The following ARHGEF11 variants were observed in gnomAD, a reference collection of about 807,000 sequenced individuals.
The protein encoded by ARHGEF11 is Rho guanine exchange factor (GEF) 11.
Under a neutral mutation model 193.7 loss-of-function variants are expected in ARHGEF11, and 55 were observed. The ratio of observed to expected loss-of-function variants is 0.28; its 90% confidence interval spans 0.23 to 0.36. ARHGEF11 has a LOEUF of 0.36. Among genes scored for constraint, ARHGEF11 ranks in the 10% least tolerant of loss-of-function variants. The probability of loss-of-function intolerance (pLI) is 1.00; values close to 1 mark genes in which losing one functional copy is unlikely to be tolerated. For missense variants in ARHGEF11, 1,723 were observed against 2,005.6 expected (o/e 0.86, Z 2.69); for synonymous variants, 693 against 768.0 (o/e 0.90, Z 1.62).
chr1:156,939,136 G>C (rs1656203408), intron 37 of ARHGEF11: 1 of 254,176 alleles, frequency 3.9e-6, no homozygotes, highest in African/African-American at 2.3e-5. Flanking sequence ...CTGGCGTGAG[G>C]GGCTGCATGC....
rs758071960 is a variant in ARHGEF11, at chr1:156,971,765, T to G, written c.634A>C (p.Ile212Leu). Residue 212 changes from isoleucine (I) to leucine (L), a missense_variant, in exon 8 of 41, where the codon ATC (isoleucine) becomes CTC (leucine). Ile to Leu is a conservative substitution (Grantham distance 5). Coordinates refer to ENST00000368194, the MANE Select transcript of ARHGEF11 (RefSeq NM_198236.3). ...GTGACTCGCCGCCGGGCACCTTCGA[T>G]CTGCTCTTCCAGTAGGCTGGCGGGG... ...RNPASLLEEQ[I>L]EGARRRVTQL... 1 of 1,613,952 alleles carries G rather than the reference T, an allele frequency of 6.2e-7. No homozygotes were observed. Among genetic ancestry groups the G allele is most frequent in the Admixed American group, 1.7e-5 (1 of 60,008 alleles).
At chr1:157,033,335 C>T (rs1431914327) in intron 1 of ARHGEF11, among the ~76,000 whole-genome samples, 1 of 152,116 alleles carries the variant, frequency 6.6e-6, no homozygotes, top group African/African-American at 2.4e-5. Flanking sequence ...TCCTTCATGC[C>T]TCCGCATACC....
At chr1:156,968,742 C>T (rs1361720906) in intron 10 of ARHGEF11, among the ~76,000 whole-genome samples, 2 of 152,194 alleles carry the variant, frequency 1.3e-5, no homozygotes, top group South Asian at 2.1e-4. Context: ...TTTTGTATTG[C>T]CGTTCATAGT....
chr1:156,993,377 A>G (rs1333640962), intron 1 of ARHGEF11, among the ~76,000 whole-genome samples: 1 of 152,230 alleles, frequency 6.6e-6, no homozygotes, highest in African/African-American at 2.4e-5. Flanking sequence ...ATATGACATG[A>G]TTAAAGATAT....
intron 6 of ARHGEF11, among the ~76,000 whole-genome samples, chr1:156,977,538 G>A (rs761606058): frequency 6.6e-6 from 1 of 152,058 alleles, no homozygotes; most frequent in Non-Finnish European, 1.5e-5. Flanking sequence ...TCAGCCTCCT[G>A]AGTACCTGGG....
intron 15 of ARHGEF11, 29 bp from the exon 16 acceptor site, chr1:156,959,171 T>G: frequency 1.2e-6 from 2 of 1,600,560 alleles, no homozygotes; most frequent in Non-Finnish European, 1.7e-6. Context: ...GAAAGCAGAG[T>G]GGATGGGGTA....
chr1:156,994,298 T>G (rs1271777233), intron 1 of ARHGEF11, among the ~76,000 whole-genome samples: 1 of 152,182 alleles, frequency 6.6e-6, no homozygotes, highest in Non-Finnish European at 1.5e-5. Context: ...ATATACGTCC[T>G]TTCTTTCTTC....
chr1:156,954,380 CAAAAAAAAAAAAAAAAAAA>C (rs559848711), intron 21 of ARHGEF11, among the ~76,000 whole-genome samples: 22 of 75,158 alleles, frequency 2.9e-4, no homozygotes, highest in South Asian at 2.0e-3. Context: ...ACTGTGTCTC[CAAAAAAAAAAAAAAAAAAA>C]AAAAAAAAAA....
At chr1:156,937,651 A>G (rs1655769795) in intron 38 of ARHGEF11, among the ~76,000 whole-genome samples, 155 bp from the exon 39 acceptor site, 1 of 152,164 alleles carries the variant, frequency 6.6e-6, no homozygotes, top group Admixed American at 6.5e-5. Flanking sequence ...ACTGTCTGCC[A>G]GCCCCCTAAA....
chr1:157,023,585 G>A (rs1670256916), intron 1 of ARHGEF11, among the ~76,000 whole-genome samples: 1 of 152,128 alleles, frequency 6.6e-6, no homozygotes. Flanking sequence ...GGCCAACATG[G>A]TGAAACCCCA....
rs372172835 is a variant in ARHGEF11, at chr1:156,941,871, G to A, written c.3445C>T (p.Pro1149Ser). 3 of 1,610,302 alleles carry A rather than the reference G, an allele frequency of 1.9e-6. No individual in the cohort carries two copies. The highest frequency in any genetic ancestry group is 2.7e-5 in the African/African-American group (2 of 75,016). The change falls in exon 34 of 41, where the codon CCC becomes TCC. Residue 1149 changes from proline (P) to serine (S), a missense_variant. By Grantham distance (74) the Pro-to-Ser change is moderately conservative. This residue lies in a region of ARHGEF11 where 203 missense variants were observed against 237.3 expected (regional missense o/e 0.86). Transcript: ENST00000368194. Reference sequence around the variant, plus strand: ...GAGGGCTAAGCACTGCACCTGCTGGGTGTGGGGCCCTGCTGGGCTGGCTCC... The same window carrying A: ...GAGGGCTAAGCACTGCACCTGCTGGATGTGGGGCCCTGCTGGGCTGGCTCC... Reference protein sequence around the residue: ...PREPAQQGPTPSRVELDDSDV... With the variant: ...PREPAQQGPTSSRVELDDSDV...
chr1:156,959,721 C>T (rs1660507197), intron 15 of ARHGEF11, among the ~76,000 whole-genome samples: 2 of 152,192 alleles, frequency 1.3e-5, no homozygotes, highest in Non-Finnish European at 2.9e-5. Context: ...TCATCTCTTT[C>T]TAAATGCAGC....
chr1:156,964,437 C>T (rs1433064765), intron 11 of ARHGEF11, among the ~76,000 whole-genome samples: 1 of 152,182 alleles, frequency 6.6e-6, no homozygotes, highest in East Asian at 1.9e-4. Context: ...AGTGATTCCC[C>T]AACAAGGTCT....
intron 30 of ARHGEF11, among the ~76,000 whole-genome samples, chr1:156,944,813 T>A (rs1456381864): frequency 1.3e-5 from 2 of 152,194 alleles, no homozygotes. Flanking sequence ...TTCCAACATC[T>A]AGTCTTTCTT....
intron 4 of ARHGEF11, among the ~76,000 whole-genome samples, 198 bp downstream of exon 4, chr1:156,980,239 A>G (rs1663924729): frequency 1.3e-5 from 2 of 152,212 alleles, no homozygotes; most frequent in African/African-American, 2.4e-5. Flanking sequence ...AAGGCCTAAA[A>G]TGTAGAACAC....
At chr1:157,013,488 T>C in intron 1 of ARHGEF11, among the ~76,000 whole-genome samples, 1 of 152,036 alleles carries the variant, frequency 6.6e-6, no homozygotes, top group South Asian at 2.1e-4. Context: ...TTTCCCTACC[T>C]CTCCCCCAGC....
chr1:156,952,305 A>G (rs1471752898), intron 21 of ARHGEF11, among the ~76,000 whole-genome samples: 1 of 152,160 alleles, frequency 6.6e-6, no homozygotes, highest in Non-Finnish European at 1.5e-5. Flanking sequence ...AAGCTAAGAC[A>G]GAAGAGAGCT....
chr1:157,033,080 AC>A (rs1368326217), intron 1 of ARHGEF11, among the ~76,000 whole-genome samples: 1 of 151,942 alleles, frequency 6.6e-6, no homozygotes, highest in Non-Finnish European at 1.5e-5. Flanking sequence ...GGTGTTGATG[AC>A]CTGCTAATGT....
chr1:156,956,281 TA>T (rs1659938406), intron 19 of ARHGEF11, 138 bp downstream of exon 19: 1 of 864,110 alleles, frequency 1.2e-6, no homozygotes, highest in Admixed American at 2.4e-5. Context: ...TATGCTGGAC[TA>T]ATTTTTGTAT....
Sources: gnomAD v4.1 joint callset for allele counts (sites outside exome capture counted in the v4.1 genomes callset) on GRCh38, gnomAD v4.1.1 for gene constraint, gnomAD v4.1.1 regional missense constraint, MANE v1.5 for transcripts, NCBI Gene and HGNC (gene_info 2026-07-23, HGNC 2026-07-21) for gene names.